AMOTL1: variants seen among roughly 807,000 people sequenced by gnomAD.
AMOTL1 encodes the protein angiomotin like 1, also known as angiomotin-like protein 1.
In AMOTL1, 45 loss-of-function variants were observed where a neutral mutation model predicts 102.9. The observed-to-expected ratio is 0.44, with a 90% CI of 0.34 to 0.56. The LOEUF is 0.56. Among genes scored for constraint, AMOTL1 ranks in the 20% least tolerant of loss-of-function variants. The pLI is 0.01. For synonymous variants in AMOTL1, 481 were observed against 484.7 expected (o/e 0.99, Z 0.10); for missense variants, 1,114 against 1,225.6 (o/e 0.91, Z 1.36).
chr11:94,746,431 A>T (rs1950591139), intron 3 of AMOTL1, among the ~76,000 whole-genome samples: 1 of 152,146 alleles, frequency 6.6e-6, no homozygotes, highest in African/African-American at 2.4e-5. Context: ...TGGAGGATAG[A>T]TATTTGGTTT....
At chr11:94,793,552 T>TC (rs1951319656) in intron 1 of AMOTL1, among the ~76,000 whole-genome samples, 1 of 152,256 alleles carries the variant, frequency 6.6e-6, no homozygotes, top group South Asian at 2.1e-4. Flanking sequence ...TTTTTCATTT[T>TC]CCACTGTTTT....
At chr11:94,868,612 C>T (rs558322613) in intron 11 of AMOTL1, among the ~76,000 whole-genome samples, 19 of 152,278 alleles carry the variant, frequency 1.2e-4, no homozygotes, top group African/African-American at 4.6e-4. Flanking sequence ...ATCTTTGAAT[C>T]CAAGCCTGTG....
At chr11:94,707,687 C>A (rs4753145) in intron 1 of AMOTL1, among the ~76,000 whole-genome samples, 70,036 of 151,834 alleles carry the variant, frequency 0.46, 18,141 homozygotes, top group Non-Finnish European at 0.58. Context: ...CAGAATTCAT[C>A]CTCACCTGAA....
At chr11:94,812,435 A>G (rs1951699084) in intron 3 of AMOTL1, among the ~76,000 whole-genome samples, 1 of 152,186 alleles carries the variant, frequency 6.6e-6, no homozygotes, top group Admixed American at 6.5e-5. Flanking sequence ...CACAATTTAC[A>G]TGTGAGAGGA....
chr11:94,856,770 A>G lies in AMOTL1; in HGVS notation c.1944+2688A>G, dbSNP rs537851616. On this transcript the variant is annotated intron_variant, in intron 8 of 12. Transcript: ENST00000433060. The stretch of plus-strand genomic sequence containing the variant: ...GGTCATCTCCACCCTCAACAGAACA[A>G]CAGACCAACCGCATGGACTCACCAC... 2.0e-5 allele frequency among the ~76,000 whole-genome samples: 3 copies of G among 152,342 alleles called. No homozygotes were observed. In the South Asian group the frequency reaches 6.2e-4, roughly 32 times the overall value.
At chr11:94,833,156 C>T (rs1952107907) in intron 6 of AMOTL1, among the ~76,000 whole-genome samples, 1 of 152,184 alleles carries the variant, frequency 6.6e-6, no homozygotes, top group Non-Finnish European at 1.5e-5. Flanking sequence ...AGACCAGAGG[C>T]ATTTTTCAAC....
intron 1 of AMOTL1, among the ~76,000 whole-genome samples, chr11:94,787,450 G>A (rs1951208526): frequency 6.6e-6 from 1 of 152,014 alleles, no homozygotes; most frequent in Non-Finnish European, 1.5e-5. Flanking sequence ...AACACTTTGG[G>A]AGGCCGAGAC....
intron 3 of AMOTL1, among the ~76,000 whole-genome samples, chr11:94,742,895 T>A (rs866539662): frequency 6.6e-6 from 1 of 152,322 alleles, no homozygotes; most frequent in South Asian, 2.1e-4. Flanking sequence ...TCTTGCGGTC[T>A]CTTTTCTAAG....
chr11:94,749,227 G>C (rs1253148161), intron 3 of AMOTL1, among the ~76,000 whole-genome samples: 2 of 152,210 alleles, frequency 1.3e-5, no homozygotes, highest in East Asian at 1.9e-4. Context: ...TGAGAACCTG[G>C]GTAACCACTG....
At chr11:94,773,960 CG>C (rs1161215330) in intron 1 of AMOTL1, among the ~76,000 whole-genome samples, 1 of 152,168 alleles carries the variant, frequency 6.6e-6, no homozygotes, top group African/African-American at 2.4e-5. Flanking sequence ...TGTGTGACCT[CG>C]GAATTGTACA....
chr11:94,802,143 G>C (rs547737377), intron 3 of AMOTL1, among the ~76,000 whole-genome samples: 1 of 152,138 alleles, frequency 6.6e-6, no homozygotes, highest in Non-Finnish European at 1.5e-5. Flanking sequence ...GCAGGAGAAC[G>C]CATTCTCCCT....
chr11:94,735,701 G>A (rs1950429152), intron 2 of AMOTL1, among the ~76,000 whole-genome samples: 1 of 152,098 alleles, frequency 6.6e-6, no homozygotes, highest in Admixed American at 6.5e-5. Flanking sequence ...ATTTGAATAT[G>A]CCTTAAAAAT....
At chr11:94,835,624 C>T (rs995288942) in intron 6 of AMOTL1, among the ~76,000 whole-genome samples, 2 of 152,134 alleles carry the variant, frequency 1.3e-5, no homozygotes, top group African/African-American at 4.8e-5. Flanking sequence ...TTGAGTGGGA[C>T]CTGATTAGCT....
chr11:94,859,495 A>G, intron 8 of AMOTL1, 30 bp from the exon 9 acceptor site: 1 of 1,586,256 alleles, frequency 6.3e-7, no homozygotes, highest in Non-Finnish European at 8.6e-7. Flanking sequence ...TGTGGTTTTG[A>G]GCATCAAGAT....
intron 4 of AMOTL1, among the ~76,000 whole-genome samples, chr11:94,822,143 C>T (rs938396740): frequency 3.3e-5 from 5 of 152,084 alleles, no homozygotes; most frequent in African/African-American, 7.2e-5. Flanking sequence ...AGAGGGAACA[C>T]GGAGAGTAAA....
chr11:94,849,600 G>T (rs1592032036), intron 6 of AMOTL1, among the ~76,000 whole-genome samples: 1 of 152,146 alleles, frequency 6.6e-6, no homozygotes, highest in South Asian at 2.1e-4. Flanking sequence ...CAGGTCATAT[G>T]GAAAGAGGAT....
intron 8 of AMOTL1, among the ~76,000 whole-genome samples, chr11:94,856,066 T>C (rs1952656376): frequency 6.6e-6 from 1 of 151,306 alleles, no homozygotes; most frequent in Admixed American, 6.6e-5. Flanking sequence ...CAGTTTGTTG[T>C]TGTTGTTGTT....
chr11:94,833,947 A>C (rs1421379534), intron 6 of AMOTL1, among the ~76,000 whole-genome samples: 1 of 152,186 alleles, frequency 6.6e-6, no homozygotes, highest in African/African-American at 2.4e-5. Flanking sequence ...TTAGATAATG[A>C]CTTAAGGTTT....
chr11:94,799,297 T>A lies in AMOTL1; in HGVS notation c.200-93T>A. The A allele has an allele frequency of 9.7e-7, 1 of 1,032,352 alleles. No homozygotes were observed. Among genetic ancestry groups the A allele is most frequent in the Non-Finnish European group, 1.4e-6 (1 of 723,550 alleles). The allele number at this position is 1,032,352 out of a possible 1,614,324, so 63.9% of individuals were successfully genotyped here. A position where few individuals can be genotyped will look rare whatever the true frequency, so the allele number is the denominator to read the frequency against. On this transcript the variant is annotated intron_variant, in intron 2 of 12. Transcript: ENST00000433060. The surrounding 1 kb of genome is among the most constrained non-coding windows in gnomAD (Gnocchi z 4.5). ...TTGAAATCTTATTTTTAAATGTTGC[T>A]GTAGTTAGAATGTTAATTATGTACC...
Sources: gnomAD v4.1 joint callset for allele counts (sites outside exome capture counted in the v4.1 genomes callset) on GRCh38, gnomAD v4.1.1 for gene constraint, Gnocchi (gnomAD v3.1) non-coding constraint, MANE v1.5 for transcripts, NCBI Gene and HGNC (gene_info 2026-07-23, HGNC 2026-07-21) for gene names.